Variants in SHPRH observed in about 807,000 individuals in gnomAD.
SHPRH encodes E3 ubiquitin-protein ligase SHPRH.
In SHPRH, 106 loss-of-function variants were observed where a neutral mutation model predicts 202.5. The observed-to-expected ratio is 0.52, with a 90% CI of 0.45 to 0.62. The LOEUF (loss-of-function observed/expected upper bound fraction) is 0.62. SHPRH is among the 20% of genes least tolerant of loss of function. The probability of loss-of-function intolerance (pLI) is 0.00; values close to 1 mark genes in which losing one functional copy is unlikely to be tolerated. For synonymous variants in SHPRH, 729 were observed against 686.0 expected, an observed-to-expected ratio of 1.06 and a Z score of -0.98; for missense variants, 1,710 against 2,020.0, an observed-to-expected ratio of 0.85 and a Z score of 2.94.
chr6:145,932,892 C>T (rs775676425), intron 14 of SHPRH, among the ~76,000 whole-genome samples, 165 bp downstream of exon 14: 1 of 152,008 alleles, frequency 6.6e-6, no homozygotes, highest in Non-Finnish European at 1.5e-5. Context: ...TTCTATGAAA[C>T]TGCTCTATAT....
chr6:145,900,309 T>C (rs532916129), intron 25 of SHPRH, among the ~76,000 whole-genome samples: 5 of 152,274 alleles, frequency 3.3e-5, no homozygotes, highest in African/African-American at 1.2e-4. Flanking sequence ...CACCACGGAA[T>C]ATGTTTTTAC....
At chr6:145,903,486 T>C (rs1019716541) in intron 25 of SHPRH, 1 of 152,028 alleles carries the variant, frequency 6.6e-6, no homozygotes, top group Non-Finnish European at 1.5e-5. Flanking sequence ...AGAGATATGC[T>C]TGCTAAAAAT....
intron 25 of SHPRH, chr6:145,906,636 GAAC>G (rs891239402): frequency 3.3e-5 from 5 of 152,030 alleles, no homozygotes; most frequent in African/African-American, 7.2e-5. Context: ...GTCTTAAACA[GAAC>G]AACAACAAAA....
At chr6:145,894,420 G>GTTTT (rs55829530) in intron 26 of SHPRH, among the ~76,000 whole-genome samples, 184 bp from the exon 27 acceptor site, 24 of 140,298 alleles carry the variant, frequency 1.7e-4, no homozygotes, top group African/African-American at 6.2e-4. Flanking sequence ...AATTTTGTTT[G>GTTTT]TTTTTTTTTT....
chr6:145,907,928 C>T (rs1783120517), intron 25 of SHPRH: 1 of 152,166 alleles, frequency 6.6e-6, no homozygotes, highest in Non-Finnish European at 1.5e-5. Flanking sequence ...ACTCCCCTGC[C>T]CCAACAAGCC....
At chr6:145,959,473 A>C (rs187370438) in intron 1 of SHPRH, among the ~76,000 whole-genome samples, 123 of 151,640 alleles carry the variant, frequency 8.1e-4, no homozygotes, top group African/African-American at 2.9e-3. Flanking sequence ...CTAGGTGTGT[A>C]GTAGGCTGGC....
intron 25 of SHPRH, among the ~76,000 whole-genome samples, chr6:145,900,067 G>A (rs1782361719): frequency 6.6e-6 from 1 of 152,114 alleles, no homozygotes. Context: ...ATACAAATTA[G>A]TAGAGCCATT....
downstream of SHPRH, among the ~76,000 whole-genome samples, chr6:145,880,300 T>G (rs1293663635): frequency 6.6e-6 from 1 of 152,148 alleles, no homozygotes; most frequent in African/African-American, 2.4e-5. Flanking sequence ...ACATTTCCTC[T>G]GCAAAATTCT....
chr6:145,961,450 G>T (rs548640555), intron 1 of SHPRH, among the ~76,000 whole-genome samples: 3 of 152,140 alleles, frequency 2.0e-5, no homozygotes, highest in Non-Finnish European at 4.4e-5. Context: ...AGAAATGACT[G>T]CCCAGCTTGG....
At chr6:145,858,908 G>A in the SHPRH span, among the ~76,000 whole-genome samples, 1 of 152,006 alleles carries the variant, frequency 6.6e-6, no homozygotes. Flanking sequence ...TAGATTTCAC[G>A]GCTCTTCATG....
At chr6:145,899,152 TTC>T (rs1406382862) in intron 25 of SHPRH, among the ~76,000 whole-genome samples, 8 of 152,192 alleles carry the variant, frequency 5.3e-5, no homozygotes, top group African/African-American at 1.2e-4. Context: ...GCCTCAAATA[TTC>T]TGTTACGGCA....
chr6:145,963,521 A>C (rs1789321949), intron 1 of SHPRH, among the ~76,000 whole-genome samples: 1 of 152,188 alleles, frequency 6.6e-6, no homozygotes, highest in Non-Finnish European at 1.5e-5. Flanking sequence ...TTCGTTCATA[A>C]ACATAGCAAC....
intron 8 of SHPRH, 139 bp from the exon 9 acceptor site, chr6:145,943,941 A>T: frequency 1.2e-6 from 1 of 806,194 alleles, no homozygotes; most frequent in Non-Finnish European, 1.9e-6. Flanking sequence ...ATCACTCCTG[A>T]TAAGTGGCTT....
intron 10 of SHPRH, 108 bp from the exon 11 acceptor site, chr6:145,940,909 G>A (rs1453068118): frequency 1.0e-6 from 1 of 1,004,692 alleles, no homozygotes; most frequent in African/African-American, 1.6e-5. Context: ...TACACTTCTG[G>A]TGAGATGTAC....
chr6:145,943,269 G>A lies in SHPRH; in HGVS notation c.2112C>T (p.Pro704=). The A allele has an allele frequency of 6.2e-7, 1 of 1,613,740 alleles. No individual in the cohort carries two copies. The highest frequency in any genetic ancestry group is 1.7e-5 in the Admixed American group (1 of 59,872). The part of the protein sequence containing the change: ...KNLKIKPFYC[P]HCLVAMEPVS... ...CTGGTTCCATTGCAACAAGGCAGTG[G>A]GGGCAGTAAAAAGGCTTGATCTTCA... The change falls in exon 9 of 30, where the codon CCC becomes CCT. Residue 704 remains proline (P), a synonymous_variant. Transcript: ENST00000275233.
At chr6:145,937,396 C>T (rs1453561363) in intron 11 of SHPRH, among the ~76,000 whole-genome samples, 4 of 152,140 alleles carry the variant, frequency 2.6e-5, no homozygotes, top group Non-Finnish European at 2.9e-5. Flanking sequence ...TTGCCTTATC[C>T]ACTTTTTTCT....
chr6:145,874,054 G>A (rs566484057), intron 2 of SHPRH, among the ~76,000 whole-genome samples: 12 of 151,802 alleles, frequency 7.9e-5, no homozygotes, highest in East Asian at 5.9e-4. Flanking sequence ...CAAAATTAGC[G>A]GCGCATGGTG....
chr6:145,925,487 A>G (rs904556258), intron 16 of SHPRH, among the ~76,000 whole-genome samples: 1 of 151,836 alleles, frequency 6.6e-6, no homozygotes, highest in Non-Finnish European at 1.5e-5. Flanking sequence ...GTTAATTAAA[A>G]TAGTTTACCA....
chr6:145,926,188 T>C lies in SHPRH; in HGVS notation c.3294+16A>G, dbSNP rs367552175. ...AGAAAATATACTTTTATAGACAGAA[T>C]GAAAAAAATAATTACCTCTTCCTCA... On this transcript the variant is annotated intron_variant, in intron 16 of 29. Coordinates refer to ENST00000275233, the MANE Select transcript of SHPRH (RefSeq NM_001042683.3). The C allele has an allele frequency of 8.1e-6, 13 of 1,608,876 alleles. No individual in the cohort carries two copies. The highest frequency in any genetic ancestry group is 6.6e-5 in the South Asian group (6 of 90,950).
Sources: gnomAD v4.1 joint callset for allele counts (sites outside exome capture counted in the v4.1 genomes callset) on GRCh38, gnomAD v4.1.1 for gene constraint, MANE v1.5 for transcripts, NCBI Gene and HGNC (gene_info 2026-07-23, HGNC 2026-07-21) for gene names.